AGO1: variants seen among roughly 807,000 people sequenced by gnomAD.
AGO1 encodes the protein argonaute RISC component 1.
In AGO1, 11 loss-of-function variants were observed where a neutral mutation model predicts 109.2. The ratio of observed to expected loss-of-function variants is 0.10; its 90% CI spans 0.06 to 0.17. The LOEUF is 0.17. AGO1 is among the 10% of genes least tolerant of loss of function. AGO1 has a pLI of 1.00. For missense variants in AGO1, 574 were observed against 1,140.3 expected, an observed-to-expected ratio of 0.50 and a Z score of 7.15; for synonymous variants, 422 against 418.6, an observed-to-expected ratio of 1.01 and a Z score of -0.10.
upstream of AGO1, among the ~76,000 whole-genome samples, chr1:35,880,082 T>C (rs1340252321): frequency 6.6e-6 from 1 of 152,232 alleles, no homozygotes; most frequent in African/African-American, 2.4e-5. Flanking sequence ...TGATGCCATC[T>C]TGTTGATTCA....
rs56299314 is a variant in AGO1 at position 35,926,944 on chromosome 1, GTTT to G, written c.*7354_*7356del. On this transcript the variant is annotated 3_prime_UTR_variant, in exon 19 of 19. Transcript: ENST00000373204. The stretch of plus-strand genomic sequence containing the variant: ...TCTTGGCAATGGTTTTTTGTTTGGG[GTTT>G]TTTTTTTTTTTTTTTTGGACAAAGT... 5 of 125,292 alleles carry G rather than the reference GTTT, an allele frequency of 4.0e-5. No individual in the cohort carries two copies. The highest frequency in any genetic ancestry group is 6.7e-5 in the Non-Finnish European group (4 of 59,314). 7.8% of individuals were successfully genotyped at this position (125,292 alleles called of 1,614,324 possible).
chr1:35,915,200 T>C (rs1004491092), intron 14 of AGO1, 148 bp from the exon 15 acceptor site: 9 of 618,082 alleles, frequency 1.5e-5, no homozygotes, highest in Non-Finnish European at 1.7e-5. Context: ...GCTTGTGTGA[T>C]AGAATAGAGA....
At position 35,898,497 on chromosome 1, in the gene AGO1, C is replaced by T. The variant is rs185570520; in HGVS notation, c.1021-2977C>T. 9.9e-3 allele frequency among the ~76,000 whole-genome samples: 1,510 copies of T among 152,164 alleles called. 9 individuals are homozygous for T. The highest frequency in any genetic ancestry group is 0.024 in the African/African-American group (993 of 41,514). On this transcript the variant is annotated intron_variant, in intron 8 of 18. Transcript: ENST00000373204. Reference sequence around the variant, plus strand: ...GGTCTCGATCTCCTGACTCATGATCCGCCCGCCTCAGCCTCCCAAATTGCT... The same window carrying T: ...GGTCTCGATCTCCTGACTCATGATCTGCCCGCCTCAGCCTCCCAAATTGCT...
Position 35,901,130 on chromosome 1 carries a change from G to A in AGO1, c.1021-344G>A, listed in dbSNP as rs927249098. On this transcript the variant is annotated intron_variant, in intron 8 of 18. Transcript: ENST00000373204. This position sits in a 1 kb window ranked among gnomAD's most constrained non-coding sequence, Gnocchi z 4.8. ...TGAGTAGCTGGGATTACAGGCGCACGCCACCATGCCTGGCTAATTTTTGTA... is the reference window on the plus strand; with the variant it reads ...TGAGTAGCTGGGATTACAGGCGCACACCACCATGCCTGGCTAATTTTTGTA... Among the ~76,000 whole-genome samples, 2 of 151,530 alleles carry A rather than the reference G, an allele frequency of 1.3e-5. No homozygotes were observed. Among genetic ancestry groups the A allele is most frequent in the Non-Finnish European group, 2.9e-5 (2 of 67,902 alleles).
chr1:35,889,852 A>G (rs549476354), intron 2 of AGO1, among the ~76,000 whole-genome samples: 15 of 151,828 alleles, frequency 9.9e-5, no homozygotes, highest in African/African-American at 3.6e-4. Context: ...AGCTGGGACT[A>G]TAGGTGCTCC....
chr1:35,890,908 G>T (rs1003122068), intron 2 of AGO1, among the ~76,000 whole-genome samples: 1 of 152,126 alleles, frequency 6.6e-6, no homozygotes, highest in Non-Finnish European at 1.5e-5. Flanking sequence ...TAAAAATAAT[G>T]TATGGAAGGG....
rs372821782 is a variant in AGO1, at chr1:35,922,597, GGCCT to G, written c.*3020_*3023del. 3,243 of 153,054 alleles carry G rather than the reference GGCCT, an allele frequency of 0.021. 99 individuals are homozygous for G. The highest frequency in any genetic ancestry group is 0.07 in the African/African-American group (2,883 of 41,342). 9.5% of individuals were successfully genotyped at this position (153,054 alleles called of 1,614,324 possible). ...TATTCACTCTGCTTGCTTGCTGGCC[GGCCT>G]GCCTGCCTGCCTGCCTGCCTGCCTG... On this transcript the variant is annotated 3_prime_UTR_variant, in exon 19 of 19. Transcript: ENST00000373204.
Position 35,893,627 on chromosome 1 carries a change from G to T in AGO1, c.513-47G>T. ...CTCCGTGCCCAGGATGCCTCACAGGGTGGGGGCCTGTGCCCGAGGGACCAG... is the reference window on the plus strand; with the variant it reads ...CTCCGTGCCCAGGATGCCTCACAGGTTGGGGGCCTGTGCCCGAGGGACCAG... On this transcript the variant is annotated intron_variant, in intron 4 of 18. Coordinates refer to ENST00000373204, the MANE Select transcript of AGO1 (RefSeq NM_012199.5). This position sits in a 1 kb window ranked among gnomAD's most constrained non-coding sequence, Gnocchi z 5.6. 6.4e-7 allele frequency: 1 copy of T among 1,567,660 alleles called. No homozygotes were observed. The highest frequency in any genetic ancestry group is 1.2e-5 in the South Asian group (1 of 86,190).
At position 35,893,862 on chromosome 1, in the gene AGO1, C is replaced by G; in HGVS notation, c.649+52C>G. 1 of 1,578,302 alleles carries G rather than the reference C, an allele frequency of 6.3e-7. No homozygotes were observed. The highest frequency in any genetic ancestry group is 8.6e-7 in the Non-Finnish European group (1 of 1,158,352). On this transcript the variant is annotated intron_variant, in intron 5 of 18. Coordinates refer to ENST00000373204, the MANE Select transcript of AGO1 (RefSeq NM_012199.5). This position sits in a 1 kb window ranked among gnomAD's most constrained non-coding sequence, Gnocchi z 5.6. ...GGGCACCCCAAGTCCAGTGACCACA[C>G]TCCCAGCCTCATCCCTCCCAGCTCT...
intron 8 of AGO1, among the ~76,000 whole-genome samples, chr1:35,897,829 T>G (rs1645345540): frequency 6.6e-6 from 1 of 152,230 alleles, no homozygotes; most frequent in South Asian, 2.1e-4. Context: ...CACAGAATTG[T>G]ACAACAGCCA....
At position 35,893,692 on chromosome 1, in the gene AGO1, C is replaced by A; in HGVS notation, c.531C>A (p.Arg177=). Residue 177 remains arginine (R), a synonymous_variant, in exon 5 of 19, where the codon CGC becomes CGA. Transcript: ENST00000373204. This position sits in a 1 kb window ranked among gnomAD's most constrained non-coding sequence, Gnocchi z 5.6. ...LASMRYTPVG[R]SFFSPPEGYY... ...CTGCCAGGTACACCCCTGTGGGCCG[C>A]TCCTTCTTCTCACCGCCTGAGGGCT... The A allele has an allele frequency of 6.2e-7, 1 of 1,613,466 alleles. No individual in the cohort carries two copies. Among genetic ancestry groups the A allele is most frequent in the Non-Finnish European group, 8.5e-7 (1 of 1,179,758 alleles).
At position 35,915,476 on chromosome 1, in the gene AGO1, CACCCGTTTCAAGCCT is replaced by C; in HGVS notation, c.1968_1982del (p.Phe657_Arg661del). The stretch of plus-strand genomic sequence containing the variant: ...AGCTCCTCATCCAATTCTACAAGTC[CACCCGTTTCAAGCCT>C]ACCCGCATCATCTTCTACCGAGATG... On this transcript the variant is annotated inframe_deletion, in exon 15 of 19. Transcript: ENST00000373204. 1 of 1,614,110 alleles carries C rather than the reference CACCCGTTTCAAGCCT, an allele frequency of 6.2e-7. No homozygotes were observed. Among genetic ancestry groups the C allele is most frequent in the Non-Finnish European group, 8.5e-7 (1 of 1,180,022 alleles).
upstream of AGO1, among the ~76,000 whole-genome samples, chr1:35,880,120 AG>A (rs1273803526): frequency 6.6e-6 from 1 of 152,180 alleles, no homozygotes; most frequent in Non-Finnish European, 1.5e-5. Context: ...TGATCATTCT[AG>A]GCACAGCTTG....
intron 8 of AGO1, among the ~76,000 whole-genome samples, chr1:35,898,815 C>G (rs761361788): frequency 6.6e-6 from 1 of 152,224 alleles, no homozygotes; most frequent in Non-Finnish European, 1.5e-5. Context: ...TTATGTAGGT[C>G]ATTGAGTGTC....
chr1:35,901,328 C>A lies in AGO1; in HGVS notation c.1021-146C>A. 2.1e-6 allele frequency: 2 copies of A among 951,508 alleles called. No homozygotes were observed. Among genetic ancestry groups the A allele is most frequent in the Non-Finnish European group, 3.2e-6 (2 of 627,454 alleles). 58.9% of individuals were successfully genotyped at this position (951,508 alleles called of 1,614,324 possible). A position where few individuals can be genotyped will look rare whatever the true frequency, so the allele number is the denominator to read the frequency against. On this transcript the variant is annotated intron_variant, in intron 8 of 18. Coordinates refer to ENST00000373204, the MANE Select transcript of AGO1 (RefSeq NM_012199.5). The surrounding 1 kb of genome is among the most constrained non-coding windows in gnomAD (Gnocchi z 4.8). ...TCTAATTTACCTATCAAATGATACT[C>A]AGGAGGAGAATACATGTATGCACAA...
intron 12 of AGO1, 86 bp from the exon 13 acceptor site, chr1:35,913,756 C>T (rs1645684307): frequency 2.1e-6 from 3 of 1,411,662 alleles, no homozygotes; most frequent in East Asian, 2.3e-5. Context: ...ATTGTGTTCC[C>T]TAGCACCTCA....
chr1:35,895,965 G>A (rs1482013237), intron 8 of AGO1, among the ~76,000 whole-genome samples: 2 of 152,082 alleles, frequency 1.3e-5, no homozygotes, highest in Non-Finnish European at 2.9e-5. Flanking sequence ...TGCTTAAAAT[G>A]CAGATTTCAG....
intron 2 of AGO1, among the ~76,000 whole-genome samples, chr1:35,889,674 A>G (rs1645182060): frequency 6.6e-6 from 1 of 151,714 alleles, no homozygotes; most frequent in Admixed American, 6.6e-5. Flanking sequence ...TTTTTGAGAA[A>G]GAAAAATTAG....
intron 12 of AGO1, among the ~76,000 whole-genome samples, chr1:35,912,484 G>C (rs1024126405): frequency 2.0e-5 from 3 of 151,476 alleles, no homozygotes; most frequent in Admixed American, 6.6e-5. Flanking sequence ...CATTTGCTTA[G>C]TTGATATCCT....
Sources: gnomAD v4.1 joint callset for allele counts (sites outside exome capture counted in the v4.1 genomes callset) on GRCh38, gnomAD v4.1.1 for gene constraint, Gnocchi (gnomAD v3.1) non-coding constraint, MANE v1.5 for transcripts, NCBI Gene and HGNC (gene_info 2026-07-23, HGNC 2026-07-21) for gene names.